ZNF184: variants seen among roughly 807,000 people sequenced by gnomAD.
ZNF184 encodes the protein zinc finger protein 184 (Kruppel-like).
Under a neutral mutation model 54.4 loss-of-function variants are expected in ZNF184, and 16 were observed. The ratio of observed to expected loss-of-function variants is 0.29; its 90% CI spans 0.20 to 0.45. The LOEUF (loss-of-function observed/expected upper bound fraction) is 0.45, where lower values mean the gene tolerates loss of function less well. ZNF184 is among the 20% of genes least tolerant of loss of function. ZNF184 has a pLI of 1.00. For synonymous variants in ZNF184, 254 were observed against 295.3 expected (o/e 0.86, Z 1.43); for missense variants, 681 against 888.2 (o/e 0.77, Z 2.97).
intron 3 of ZNF184, among the ~76,000 whole-genome samples, chr6:27,463,415 C>A (rs1219284814): frequency 6.6e-6 from 1 of 151,260 alleles, no homozygotes; most frequent in East Asian, 1.9e-4. Flanking sequence ...TTCAAAGACA[C>A]AGAAATCAAA....
At chr6:27,466,141 GGAGAGAGAGAGAGA>G (rs58110037) in intron 3 of ZNF184, among the ~76,000 whole-genome samples, 122 of 148,798 alleles carry the variant, frequency 8.2e-4, no homozygotes, top group Middle Eastern at 3.4e-3. Flanking sequence ...AGAGTCAGAG[GGAGAGAGAGAGAGA>G]GAGAGAGAGA....
Position 27,472,371 on chromosome 6 carries a change from G to A in ZNF184, c.-77C>T. 1.9e-6 allele frequency: 3 copies of A among 1,599,882 alleles called. No individual in the cohort carries two copies. The highest frequency in any genetic ancestry group is 2.6e-6 in the Non-Finnish European group (3 of 1,168,552). On this transcript the variant is annotated 5_prime_UTR_variant, in exon 2 of 6. Coordinates refer to ENST00000683788, the MANE Select transcript of ZNF184 (RefSeq NM_001318891.2). This position sits in a 1 kb window ranked among gnomAD's most constrained non-coding sequence, Gnocchi z 4.8. Reference sequence around the variant, plus strand: ...CAGCGTTCCTTCAGCTGGTATCTCGGTCTAGGACTCAGATGTCTAACTCCC... The same window carrying A: ...CAGCGTTCCTTCAGCTGGTATCTCGATCTAGGACTCAGATGTCTAACTCCC...
intron 5 of ZNF184, among the ~76,000 whole-genome samples, chr6:27,454,514 G>C (rs1055181492): frequency 3.0e-4 from 45 of 152,220 alleles, no homozygotes; most frequent in African/African-American, 1.0e-3. Context: ...TGTTTGCAAA[G>C]CAGGTAGCCA....
intron 2 of ZNF184, among the ~76,000 whole-genome samples, chr6:27,469,666 G>C (rs1387102463): frequency 6.6e-6 from 1 of 151,816 alleles, no homozygotes; most frequent in Non-Finnish European, 1.5e-5. Context: ...AAATTTGAAT[G>C]AGACATGAGG....
chr6:27,436,281 A>G, the ZNF184 span, among the ~76,000 whole-genome samples: 6 of 152,028 alleles, frequency 3.9e-5, no homozygotes, highest in African/African-American at 1.5e-4. Context: ...CTTGTGCGTC[A>G]GCCTCCTGAG....
At chr6:27,433,952 T>TTTCCTTCCTTCCTCTCCCTCCCTTCC in the ZNF184 span, among the ~76,000 whole-genome samples, 7,839 of 48,998 alleles carry the variant, frequency 0.16, 641 homozygotes, top group African/African-American at 0.29. Context: ...TCCTTCCTTC[T>TTTCCTTCCTTCCTCTCCCTCCCTTCC]TTCCTTCCTT....
At chr6:27,413,779 G>A in the ZNF184 span, among the ~76,000 whole-genome samples, 1 of 152,142 alleles carries the variant, frequency 6.6e-6, no homozygotes. Context: ...TCTTCTGTTT[G>A]GGAAATTTGG....
the ZNF184 span, among the ~76,000 whole-genome samples, chr6:27,424,322 G>T: frequency 6.6e-6 from 1 of 152,200 alleles, no homozygotes; most frequent in Non-Finnish European, 1.5e-5. Context: ...AAGATTTATT[G>T]CAAAGAGTAA....
At chr6:27,424,368 A>T in the ZNF184 span, among the ~76,000 whole-genome samples, 1 of 152,190 alleles carries the variant, frequency 6.6e-6, no homozygotes, top group African/African-American at 2.4e-5. Flanking sequence ...AGGAAAGCCG[A>T]CAGAGTTGCC....
At chr6:27,407,644 C>T in the ZNF184 span, 24,200 of 616,272 alleles carry the variant, frequency 0.039, 795 homozygotes, top group East Asian at 0.099. Context: ...TGTGCCTGCA[C>T]GCCAAACTTG....
chr6:27,426,026 C>T, the ZNF184 span, among the ~76,000 whole-genome samples: 1 of 152,184 alleles, frequency 6.6e-6, no homozygotes, highest in Non-Finnish European at 1.5e-5. This position sits in a 1 kb window ranked among gnomAD's most constrained non-coding sequence, Gnocchi z 4.2. Context: ...AAAACCACAT[C>T]TCCTTTGAGG....
Position 27,453,348 on chromosome 6 carries a change from A to T in ZNF184, c.299-88T>A, listed in dbSNP as rs185824871. 3.3e-5 allele frequency: 43 copies of T among 1,290,662 alleles called. No homozygotes were observed. Among genetic ancestry groups the T allele is most frequent in the Non-Finnish European group, 4.1e-5 (40 of 977,370 alleles). The allele number at this position is 1,290,662 out of a possible 1,614,324, so 80.0% of individuals were successfully genotyped here. On this transcript the variant is annotated intron_variant, in intron 5 of 5. Coordinates refer to ENST00000683788, the MANE Select transcript of ZNF184 (RefSeq NM_001318891.2). The surrounding 1 kb of genome is among the most constrained non-coding windows in gnomAD (Gnocchi z 4.7). ...AATAATATAATGATACTGAAAAATA[A>T]ATCTCTCAGAAAATTCTAATGGTTT...
At chr6:27,454,520 A>T (rs565641663) in intron 5 of ZNF184, among the ~76,000 whole-genome samples, 4 of 152,378 alleles carry the variant, frequency 2.6e-5, no homozygotes, top group South Asian at 2.1e-4. Context: ...CAAAGCAGGT[A>T]GCCATAAAGA....
the ZNF184 span, among the ~76,000 whole-genome samples, chr6:27,436,552 G>A: frequency 1.3e-4 from 20 of 152,104 alleles, no homozygotes; most frequent in Non-Finnish European, 2.2e-4. Flanking sequence ...TTTTTTTCCT[G>A]CATTCTATTA....
chr6:27,442,802 G>GGAAGAAAGGAAGAAAGAA, the ZNF184 span, among the ~76,000 whole-genome samples: 1 of 90,978 alleles, frequency 1.1e-5, no homozygotes, highest in Admixed American at 1.2e-4. Flanking sequence ...AAGAAAGAAA[G>GGAAGAAAGGAAGAAAGAA]AGAAAGAAAG....
downstream of ZNF184, among the ~76,000 whole-genome samples, chr6:27,448,888 T>C (rs1241595785): frequency 6.6e-6 from 1 of 152,212 alleles, no homozygotes; most frequent in Admixed American, 6.5e-5. Context: ...CCCTGCTTTA[T>C]TATCTATGTT....
At chr6:27,427,709 C>T in the ZNF184 span, among the ~76,000 whole-genome samples, 1 of 152,200 alleles carries the variant, frequency 6.6e-6, no homozygotes, top group East Asian at 1.9e-4. Flanking sequence ...TCTGTTGGCA[C>T]CACAAACTAA....
rs143410636 is a variant in ZNF184, at chr6:27,452,844, G to A, written c.715C>T (p.Arg239Cys). 1.1e-5 allele frequency: 18 copies of A among 1,613,890 alleles called. No individual in the cohort carries two copies. Among genetic ancestry groups the A allele is most frequent in the Admixed American group, 1.7e-5 (1 of 59,996 alleles). The change falls in exon 6 of 6, where the codon CGC (arginine) becomes TGC (cysteine). Residue 239 changes from arginine to cysteine, a missense_variant. Physicochemically the swap from Arg to Cys is radical, Grantham distance 180. Transcript: ENST00000683788. This position sits in a 1 kb window ranked among gnomAD's most constrained non-coding sequence, Gnocchi z 5.5. ...KAFSYCSALI[R>C]HQRTHTGEKP... ...TCTCCAGTATGTGTTCTCTGATGGCGAATAAGAGCTGAACAATAACTAAAG... is the reference window on the plus strand; with the variant it reads ...TCTCCAGTATGTGTTCTCTGATGGCAAATAAGAGCTGAACAATAACTAAAG...
At chr6:27,407,760 C>T in the ZNF184 span, 4 of 772,770 alleles carry the variant, frequency 5.2e-6, no homozygotes, top group Non-Finnish European at 9.7e-6. Flanking sequence ...GGAGATGTCA[C>T]TACAAGATTT....
Sources: allele counts gnomAD v4.1 joint callset (sites outside exome capture counted in the v4.1 genomes callset), GRCh38; gene constraint gnomAD v4.1.1; non-coding constraint Gnocchi (gnomAD v3.1); transcripts MANE v1.5; gene names NCBI Gene and HGNC (gene_info 2026-07-23, HGNC 2026-07-21).